Variants in NINJ2 observed in about 807,000 individuals in gnomAD.
NINJ2 encodes the protein ninjurin-2.
NINJ2 carries 12 observed loss-of-function variants against 11.7 expected under a neutral mutation model. The observed-to-expected ratio is 1.02, with a 90% confidence interval of 0.66 to 1.66. The LOEUF is 1.66. Ranked by LOEUF, NINJ2 falls within the 40% of genes most tolerant of loss-of-function variation. The pLI, the probability that NINJ2 is intolerant of heterozygous loss-of-function variation, is 0.00. For missense variants in NINJ2, 187 were observed against 181.8 expected (o/e 1.03, Z -0.16); for synonymous variants, 93 against 76.8 (o/e 1.21, Z -1.10).
At chr12:584,960 TAAA>T (rs1180198021) in intron 1 of NINJ2, among the ~76,000 whole-genome samples, 1 of 150,546 alleles carries the variant, frequency 6.6e-6, no homozygotes. Context: ...CTACTAAAAA[TAAA>T]AGAAAATTAG....
intron 1 of NINJ2, among the ~76,000 whole-genome samples, chr12:637,675 C>T (rs1049218358): frequency 3.3e-5 from 5 of 151,830 alleles, no homozygotes; most frequent in African/African-American, 9.7e-5. Context: ...AAAGAAAAAC[C>T]TTTACCCCAA....
intron 1 of NINJ2, among the ~76,000 whole-genome samples, chr12:584,947 T>C (rs1164791133): frequency 6.6e-6 from 1 of 151,594 alleles, no homozygotes; most frequent in Non-Finnish European, 1.5e-5. Flanking sequence ...TGAAACCCCG[T>C]CTCTACTAAA....
chr12:594,373 C>T (rs1441287439), intron 1 of NINJ2, among the ~76,000 whole-genome samples: 2 of 152,206 alleles, frequency 1.3e-5, no homozygotes, highest in Admixed American at 1.3e-4. Context: ...ATCAACTACT[C>T]ATGTACTCCA....
Position 565,217 on chromosome 12 carries a change from C to T in NINJ2, c.*18G>A. ...CTGGGGTTCCTCCATCCTCCCTCAC[C>T]TGGGTCCCAGGCTGCATTCAGAGAG... On this transcript the variant is annotated splice_region_variant and 3_prime_UTR_variant, in exon 3 of 4. Coordinates refer to ENST00000305108, the MANE Select transcript of NINJ2 (RefSeq NM_016533.6). The T allele has an allele frequency of 6.2e-7, 1 of 1,606,428 alleles. No individual in the cohort carries two copies. The highest frequency in any genetic ancestry group is 8.5e-7 in the Non-Finnish European group (1 of 1,175,126).
chr12:658,456 A>G (rs1937905290), intron 1 of NINJ2, among the ~76,000 whole-genome samples: 1 of 152,172 alleles, frequency 6.6e-6, no homozygotes, highest in Non-Finnish European at 1.5e-5. Context: ...ATGAAAAGAG[A>G]TGGAGGAAAC....
At chr12:650,630 C>T (rs1176194031) in intron 1 of NINJ2, among the ~76,000 whole-genome samples, 2 of 152,064 alleles carry the variant, frequency 1.3e-5, no homozygotes, top group East Asian at 1.9e-4. Context: ...ACCCGGGAGG[C>T]GGAGGTTGTG....
In NINJ2 at chr12:565,768, C is replaced by T. The variant is rs539174393; in HGVS notation, c.262+182G>A. The T allele has an allele frequency of 2.2e-5, 15 of 677,514 alleles. No homozygotes were observed. The African/African-American group carries it at 2.3e-4, about 10-fold the overall frequency. The allele number at this position is 677,514 out of a possible 1,614,324, so 42.0% of individuals were successfully genotyped here. On this transcript the variant is annotated intron_variant, in intron 2 of 3. Coordinates refer to ENST00000305108, the MANE Select transcript of NINJ2 (RefSeq NM_016533.6). ...TGGGATACCAGGAGACAGGACAGGG[C>T]GCCTGCCCTCGCGGGGTGGAAGTTG... is the stretch of plus-strand genomic sequence containing the variant.
At chr12:600,653 GGTGTGTGTGTGTGTGTGTGTGTGTGTGT>G (rs58255968) in intron 1 of NINJ2, among the ~76,000 whole-genome samples, 6 of 141,948 alleles carry the variant, frequency 4.2e-5, no homozygotes, top group Non-Finnish European at 9.1e-5. Flanking sequence ...ATTTTTTTGG[GGTGTGTGTGTGTGTGTGTGTGTGTGTGT>G]GTGTGTGTGT....
chr12:605,805 G>A (rs1947935437), intron 1 of NINJ2, among the ~76,000 whole-genome samples: 2 of 152,140 alleles, frequency 1.3e-5, no homozygotes, highest in South Asian at 2.1e-4. Flanking sequence ...CAATGAAAAG[G>A]TCCACTTTGT....
intron 1 of NINJ2, among the ~76,000 whole-genome samples, chr12:649,977 C>G (rs1052969354): frequency 6.6e-6 from 1 of 152,040 alleles, no homozygotes; most frequent in South Asian, 2.1e-4. Context: ...CATTATTGGA[C>G]TCCCCATTTT....
At position 628,962 on chromosome 12, in the gene NINJ2, C is replaced by T. The variant is rs1948238883; in HGVS notation, c.33+34366G>A. Among the ~76,000 whole-genome samples the T allele has an allele frequency of 6.6e-6, 1 of 152,184 alleles. No individual in the cohort carries two copies. Among genetic ancestry groups the T allele is most frequent in the Non-Finnish European group, 1.5e-5 (1 of 68,046 alleles). ...CTTCCCAAAAAGCTCATGAATAACC[C>T]ACCCCTTGTTTAGCATATGATCAAG... On this transcript the variant is annotated intron_variant, in intron 1 of 3. Transcript: ENST00000305108. The surrounding 1 kb of genome is among the most constrained non-coding windows in gnomAD (Gnocchi z 4.4).
chr12:604,768 C>A (rs962264773), intron 1 of NINJ2, among the ~76,000 whole-genome samples: 1 of 152,132 alleles, frequency 6.6e-6, no homozygotes, highest in Non-Finnish European at 1.5e-5. Flanking sequence ...GAGGTACAGA[C>A]CTGAGATGGA....
chr12:566,089 G>A lies in NINJ2; in HGVS notation c.123C>T (p.Ala41=), dbSNP rs753419313. 17 of 1,614,172 alleles carry A rather than the reference G, an allele frequency of 1.1e-5. No homozygotes were observed. Among genetic ancestry groups the A allele is most frequent in the Non-Finnish European group, 1.4e-5 (17 of 1,180,030 alleles). ...GCCGCATGGCGTTGGACATGAACAGGGCCACGTCCAGCATGCTCTCCGCCA... is the reference window on the plus strand; with the variant it reads ...GCCGCATGGCGTTGGACATGAACAGAGCCACGTCCAGCATGCTCTCCGCCA... ...KSVAESMLDV[A]LFMSNAMRLK... Residue 41 remains alanine (A), a synonymous_variant, in exon 2 of 4, where the codon GCC becomes GCT. Coordinates refer to ENST00000305108, the MANE Select transcript of NINJ2 (RefSeq NM_016533.6).
rs1236243380 is a variant in NINJ2, at chr12:580,215, C to T, written c.34-14037G>A. Reference sequence around the variant, plus strand: ...GCCAGGAGATAGAGAGCTTATCCATCCCTCCCCAGTGGAAAAGCTTCATGG... The same window carrying T: ...GCCAGGAGATAGAGAGCTTATCCATTCCTCCCCAGTGGAAAAGCTTCATGG... On this transcript the variant is annotated intron_variant, in intron 1 of 3. Coordinates refer to ENST00000305108, the MANE Select transcript of NINJ2 (RefSeq NM_016533.6). The surrounding 1 kb of genome is among the most constrained non-coding windows in gnomAD (Gnocchi z 4.7). Among the ~76,000 whole-genome samples, 4 of 152,136 alleles carry T rather than the reference C, an allele frequency of 2.6e-5. No individual in the cohort carries two copies.
At chr12:650,378 T>C (rs1409482363) in intron 1 of NINJ2, among the ~76,000 whole-genome samples, 1 of 152,130 alleles carries the variant, frequency 6.6e-6, no homozygotes, top group African/African-American at 2.4e-5. Flanking sequence ...GGATTATAGG[T>C]GTAAGCCACT....
intron 1 of NINJ2, among the ~76,000 whole-genome samples, chr12:575,653 C>T (rs997782594): frequency 2.0e-4 from 31 of 152,218 alleles, no homozygotes; most frequent in Admixed American, 1.9e-3. Flanking sequence ...CTTCCACAGG[C>T]CTGAGTCTCC....
intron 1 of NINJ2, among the ~76,000 whole-genome samples, chr12:617,680 G>A (rs758947748): frequency 2.0e-5 from 3 of 152,296 alleles, no homozygotes; most frequent in Non-Finnish European, 2.9e-5. Flanking sequence ...CCCCGCTGGC[G>A]TCGCCGTGTT....
rs960162979 is a variant in NINJ2 at position 611,227 on chromosome 12, T to TTTTC, written c.34-45053_34-45050dup. 3.2e-3 allele frequency among the ~76,000 whole-genome samples: 463 copies of TTTTC among 144,052 alleles called. 9 individuals are homozygous for TTTTC. In the Middle Eastern group the frequency reaches 0.05, roughly 15 times the overall value. The allele number at this position is 144,052 out of a possible 152,430, so 94.5% of individuals were successfully genotyped here. On this transcript the variant is annotated intron_variant, in intron 1 of 3. Transcript: ENST00000305108. ...TTTCTTTCCCTCTTTCTTTCTTTCT[T>TTTTC]TTTCTTTCTTTCTTTCTTTCTCTCT...
chr12:655,314 A>C (rs1413635280), intron 1 of NINJ2, among the ~76,000 whole-genome samples: 1 of 152,252 alleles, frequency 6.6e-6, no homozygotes, highest in Non-Finnish European at 1.5e-5. Flanking sequence ...ATTGGGAGTG[A>C]AGAAATAAAA....
Sources: gnomAD v4.1 joint callset for allele counts (sites outside exome capture counted in the v4.1 genomes callset) on GRCh38, gnomAD v4.1.1 for gene constraint, Gnocchi (gnomAD v3.1) non-coding constraint, MANE v1.5 for transcripts, NCBI Gene and HGNC (gene_info 2026-07-23, HGNC 2026-07-21) for gene names.